The following SNAP25 variants were observed in gnomAD, a reference collection of about 807,000 sequenced individuals.
SNAP25 encodes the protein synaptosome associated protein 25.
A neutral mutation model predicts 28.7 loss-of-function variants in SNAP25; 3 were observed. The observed-to-expected ratio is 0.10, with a 90% CI of 0.05 to 0.27. The LOEUF (loss-of-function observed/expected upper bound fraction) is 0.27, where lower values mean the gene tolerates loss of function less well. SNAP25 is among the 10% of genes least tolerant of loss of function. SNAP25 has a pLI of 1.00. For synonymous variants in SNAP25, 61 were observed against 88.1 expected (o/e 0.69, Z 1.72); for missense variants, 117 against 278.7 (o/e 0.42, Z 4.13).
intron 1 of SNAP25, among the ~76,000 whole-genome samples, chr20:10,243,525 A>C (rs1568583280): frequency 6.6e-6 from 1 of 152,074 alleles, no homozygotes; most frequent in Admixed American, 6.5e-5. Context: ...TTTGTTGTTC[A>C]TGGCCTTGAG....
Position 10,284,573 on chromosome 20 carries a change from C to T in SNAP25, c.115-151C>T, listed in dbSNP as rs998230447. 21 of 667,626 alleles carry T rather than the reference C, an allele frequency of 3.1e-5. No homozygotes were observed. The African/African-American group carries it at 3.3e-4, about 10-fold the overall frequency. 41.4% of individuals were successfully genotyped at this position (667,626 alleles called of 1,614,324 possible). A position where few individuals can be genotyped will look rare whatever the true frequency, so the allele number is the denominator to read the frequency against. ...GCCCATTCTTCTATCCCTCCATAAC[C>T]CCTCAGGGCTCTTGTCATACTTTCT... On this transcript the variant is annotated intron_variant, in intron 3 of 7. Transcript: ENST00000254976.
chr20:10,245,830 G>T (rs1026285495), intron 1 of SNAP25, among the ~76,000 whole-genome samples: 1 of 152,162 alleles, frequency 6.6e-6, no homozygotes, highest in Non-Finnish European at 1.5e-5. Flanking sequence ...GAAATCCCAA[G>T]AACACATGTA....
intron 4 of SNAP25, among the ~76,000 whole-genome samples, chr20:10,290,924 C>T (rs2063983815): frequency 6.6e-6 from 1 of 151,910 alleles, no homozygotes; most frequent in Non-Finnish European, 1.5e-5. Flanking sequence ...TTTCCCCACA[C>T]CAGTCCCTCC....
chr20:10,293,046 C>A lies in SNAP25; in HGVS notation c.164-115C>A. 1.2e-5 allele frequency: 13 copies of A among 1,120,058 alleles called. No homozygotes were observed. Among genetic ancestry groups the A allele is most frequent in the South Asian group, 1.7e-5 (1 of 59,228 alleles). 69.4% of individuals were successfully genotyped at this position (1,120,058 alleles called of 1,614,324 possible). On this transcript the variant is annotated intron_variant, in intron 4 of 7. Coordinates refer to ENST00000254976, the MANE Select transcript of SNAP25 (RefSeq NM_130811.4). This position sits in a 1 kb window ranked among gnomAD's most constrained non-coding sequence, Gnocchi z 5.6. The stretch of plus-strand genomic sequence containing the variant: ...TAATCTGTGGCGTCCAGTTTTCTTT[C>A]TTTTTTTTTTTTTCTTTTTTAATGT...
chr20:10,225,630 CAT>C (rs771358857), intron 1 of SNAP25, among the ~76,000 whole-genome samples: 1 of 152,136 alleles, frequency 6.6e-6, no homozygotes, highest in African/African-American at 2.4e-5. Context: ...GTCTAATTCT[CAT>C]GTCTTAAATT....
At chr20:10,246,027 C>T (rs780514809) in intron 1 of SNAP25, among the ~76,000 whole-genome samples, 4 of 152,176 alleles carry the variant, frequency 2.6e-5, no homozygotes, top group Non-Finnish European at 4.4e-5. Flanking sequence ...AGTGAGTGTC[C>T]TCAAGCATTG....
intron 1 of SNAP25, among the ~76,000 whole-genome samples, chr20:10,267,417 G>C (rs2063523468): frequency 1.3e-5 from 2 of 152,190 alleles, no homozygotes; most frequent in South Asian, 4.1e-4. Context: ...AAGAATCAGT[G>C]ATTTAAAATA....
intron 2 of SNAP25, among the ~76,000 whole-genome samples, chr20:10,277,083 G>C (rs1184813685): frequency 1.3e-5 from 2 of 152,176 alleles, no homozygotes; most frequent in Non-Finnish European, 2.9e-5. Context: ...GTGCCCGGGG[G>C]ACCATTGCAG....
intron 1 of SNAP25, among the ~76,000 whole-genome samples, chr20:10,225,237 A>C (rs537358870): frequency 1.3e-5 from 2 of 151,740 alleles, no homozygotes; most frequent in South Asian, 4.2e-4. Context: ...CGGAGGGGAA[A>C]AAAAAAAAAC....
intron 3 of SNAP25, among the ~76,000 whole-genome samples, chr20:10,278,840 A>G (rs2063733116): frequency 6.7e-6 from 1 of 149,008 alleles, no homozygotes; most frequent in African/African-American, 2.5e-5. Flanking sequence ...CCTAGGAATG[A>G]GATATGGCTA....
intron 1 of SNAP25, among the ~76,000 whole-genome samples, chr20:10,226,562 G>C (rs1362624961): frequency 2.0e-5 from 3 of 152,042 alleles, no homozygotes; most frequent in Non-Finnish European, 4.4e-5. Context: ...GTCCCCTCTT[G>C]AGGTGTCATT....
intron 1 of SNAP25, among the ~76,000 whole-genome samples, chr20:10,269,325 C>T (rs112049900): frequency 6.6e-6 from 1 of 152,070 alleles, no homozygotes; most frequent in East Asian, 1.9e-4. Flanking sequence ...GCACTTGAAC[C>T]CGGGAGGTGG....
chr20:10,270,567 G>T (rs2063576061), intron 1 of SNAP25, among the ~76,000 whole-genome samples: 1 of 152,072 alleles, frequency 6.6e-6, no homozygotes, highest in African/African-American at 2.4e-5. Flanking sequence ...GGGCGTGGTG[G>T]CATGCACCTG....
At chr20:10,263,580 A>C (rs970430967) in intron 1 of SNAP25, among the ~76,000 whole-genome samples, 2 of 152,256 alleles carry the variant, frequency 1.3e-5, no homozygotes, top group African/African-American at 4.8e-5. Flanking sequence ...CACTCCTGAG[A>C]GGAATCATTT....
intron 1 of SNAP25, among the ~76,000 whole-genome samples, chr20:10,225,281 A>G (rs932391848): frequency 6.6e-6 from 1 of 151,932 alleles, no homozygotes; most frequent in African/African-American, 2.4e-5. Context: ...TGCAGATTTC[A>G]ATGTCTTTCC....
At chr20:10,303,045 G>A (rs914375168) in intron 7 of SNAP25, among the ~76,000 whole-genome samples, 4 of 152,040 alleles carry the variant, frequency 2.6e-5, no homozygotes, top group African/African-American at 7.3e-5. Flanking sequence ...GAATGTTTGC[G>A]CTCAGGAATG....
At chr20:10,304,040 C>A (rs1236238682) in intron 7 of SNAP25, among the ~76,000 whole-genome samples, 1 of 152,082 alleles carries the variant, frequency 6.6e-6, no homozygotes. Flanking sequence ...ACTAATGAGC[C>A]CTTCGTTTTG....
intron 3 of SNAP25, among the ~76,000 whole-genome samples, chr20:10,281,790 G>A (rs1217718086): frequency 2.0e-5 from 3 of 152,196 alleles, no homozygotes; most frequent in African/African-American, 7.2e-5. Context: ...TCTACTCAAT[G>A]TCTTATTTCC....
At chr20:10,301,686 C>G (rs2064240049) in intron 7 of SNAP25, among the ~76,000 whole-genome samples, 2 of 151,972 alleles carry the variant, frequency 1.3e-5, no homozygotes, top group South Asian at 4.1e-4. Context: ...CTCTATCAAT[C>G]ATGATCTTTT....
Sources: allele counts gnomAD v4.1 joint callset (sites outside exome capture counted in the v4.1 genomes callset), GRCh38; gene constraint gnomAD v4.1.1; non-coding constraint Gnocchi (gnomAD v3.1); transcripts MANE v1.5; gene names NCBI Gene and HGNC (gene_info 2026-07-23, HGNC 2026-07-21).